The following ZAN variants were observed in gnomAD, a reference collection of about 807,000 sequenced individuals.
ZAN encodes zonadhesin (gene/pseudogene).
In ZAN, 260 loss-of-function variants were observed where a neutral mutation model predicts 286.2. The ratio of observed to expected loss-of-function variants is 0.91; its 90% CI spans 0.82 to 1.01. The LOEUF is 1.01. ZAN is among the 50% of genes least tolerant of loss of function. ZAN has a pLI of 0.00. For missense variants in ZAN, 3,410 were observed against 3,639.2 expected (o/e 0.94, Z 1.62); for synonymous variants, 1,368 against 1,417.5 (o/e 0.97, Z 0.79).
At chr7:100,770,771 C>T (rs1484146273) in intron 28 of ZAN, among the ~76,000 whole-genome samples, 2 of 151,258 alleles carry the variant, frequency 1.3e-5, no homozygotes, top group African/African-American at 4.9e-5. Flanking sequence ...CCTCCCGCCT[C>T]AGCCTTCAGA....
At position 100,792,124 on chromosome 7, in the gene ZAN, C is replaced by T. The variant is rs534063713; in HGVS notation, c.7688C>T (p.Thr2563Met). 1.6e-5 allele frequency: 25 copies of T among 1,611,030 alleles called. No homozygotes were observed. The highest frequency in any genetic ancestry group is 5.3e-5 in the African/African-American group (4 of 74,986). The stretch of plus-strand genomic sequence containing the variant: ...GGCCCCTTTGCTGCCTGTCACCAGA[C>T]GGTGGCCCCAGAGCCCTTCCAAGAG... ...PQGPFAACHQ[T>M]VAPEPFQEHC... Residue 2563 changes from threonine (T) to methionine (M), a missense_variant, in exon 41 of 48, where the codon ACG (threonine) becomes ATG (methionine). Transcript: ENST00000613979.
Position 100,775,756 on chromosome 7 carries a change from A to C in ZAN, c.6115A>C (p.Ile2039Leu), listed in dbSNP as rs767021701. 1.9e-6 allele frequency: 3 copies of C among 1,613,928 alleles called. No homozygotes were observed. The highest frequency in any genetic ancestry group is 2.5e-6 in the Non-Finnish European group (3 of 1,179,878). The change falls in exon 33 of 48, where the codon ATC becomes CTC. Residue 2039 changes from isoleucine to leucine, a missense_variant. Ile to Leu is a conservative substitution (Grantham distance 5). Around this residue, in one of 7 missense-constraint regions of ZAN, gnomAD observed 1,289 missense variants for 1,314.3 expected, o/e 0.98. Transcript: ENST00000613979. ...CAGCAGCATCTACAGCATTGTTAAC[A>C]TCAAGATCGGGGTGCAAGTCAAGTT... is the stretch of plus-strand genomic sequence containing the variant. ...KSSSIYSIVN[I>L]KIGVQVKFDG... is the part of the protein sequence containing the mutation.
chr7:100,792,657 C>G, intron 42 of ZAN, 178 bp downstream of exon 42: 1 of 1,380,124 alleles, frequency 7.2e-7, no homozygotes, highest in Non-Finnish European at 9.4e-7. Context: ...CCCATCATCC[C>G]TCGAATTTCT....
intron 17 of ZAN, among the ~76,000 whole-genome samples, 156 bp from the exon 18 acceptor site, chr7:100,759,565 G>C (rs1367838901): frequency 6.6e-6 from 1 of 152,098 alleles, no homozygotes; most frequent in Non-Finnish European, 1.5e-5. Context: ...GGCAGTCGTG[G>C]TCTGCTCCTG....
chr7:100,773,362 C>G lies in ZAN; in HGVS notation c.5503C>G (p.Pro1835Ala). 15 of 1,613,960 alleles carry G rather than the reference C, an allele frequency of 9.3e-6. No individual in the cohort carries two copies. Among genetic ancestry groups the G allele is most frequent in the Non-Finnish European group, 1.3e-5 (15 of 1,179,880 alleles). ...CPDTCSSINNPRDCPKALPCA... is the reference protein window; with the variant it reads ...CPDTCSSINNARDCPKALPCA... ...AGACACCTGCAGCAGCATAAACAAC[C>G]CGAGGGACTGCCCCAAAGCACTGCC... The change falls in exon 30 of 48, where the codon CCG becomes GCG. Residue 1835 changes from proline to alanine, a missense_variant. Pro to Ala is a conservative substitution (Grantham distance 27). Around this residue, in one of 7 missense-constraint regions of ZAN, gnomAD observed 1,289 missense variants for 1,314.3 expected, o/e 0.98. Transcript: ENST00000613979.
At position 100,760,490 on chromosome 7, in the gene ZAN, C is replaced by A. The variant is rs373091075; in HGVS notation, c.3796C>A (p.Arg1266=). The change falls in exon 19 of 48, where the codon CGG becomes AGG. Residue 1266 remains arginine, a synonymous_variant. Transcript: ENST00000613979. The part of the protein sequence containing the change: ...FVELQTEFGL[R]VRWDGDQQLY... The stretch of plus-strand genomic sequence containing the variant: ...GGAGCTGCAGACGGAGTTCGGTTTG[C>A]GGGTGAGATGGGATGGTGACCAGCA... The A allele has an allele frequency of 1.0e-4, 161 of 1,613,920 alleles. No homozygotes were observed. Among genetic ancestry groups the A allele is most frequent in the Non-Finnish European group, 1.3e-4 (151 of 1,179,870 alleles).
At chr7:100,786,824 G>A (rs1021715432) in intron 37 of ZAN, among the ~76,000 whole-genome samples, 6 of 152,182 alleles carry the variant, frequency 3.9e-5, no homozygotes, top group African/African-American at 1.4e-4. Flanking sequence ...GGCAGAGGTG[G>A]AAGAATCACT....
chr7:100,776,655 C>A, intron 34 of ZAN, 91 bp downstream of exon 34: 1 of 915,562 alleles, frequency 1.1e-6, no homozygotes, highest in Non-Finnish European at 1.5e-6. Context: ...CCTCCCCTCC[C>A]CTCCCCTCCC....
Position 100,742,748 on chromosome 7 carries a change from C to G in ZAN, c.767-3790C>G, listed in dbSNP as rs1463050623. The stretch of plus-strand genomic sequence containing the variant: ...GCGCGTGCCTGCAATCGCAGGCACT[C>G]GGCAGGCTGAGGCAGGAGAATCAGG... On this transcript the variant is annotated intron_variant, in intron 7 of 47. Transcript: ENST00000613979. Among the ~76,000 whole-genome samples, 9 of 61,602 alleles carry G rather than the reference C, an allele frequency of 1.5e-4. No homozygotes were observed. The South Asian group carries it at 2.7e-3, about 18-fold the overall frequency. The allele number at this position is 61,602 out of a possible 152,430, so 40.4% of individuals were successfully genotyped here.
At position 100,776,675 on chromosome 7, in the gene ZAN, TTTC is replaced by T; in HGVS notation, c.6317+115_6317+117del. The T allele has an allele frequency of 5.7e-6, 4 of 702,602 alleles. No individual in the cohort carries two copies. In the East Asian group the frequency reaches 1.4e-4, roughly 25 times the overall value. 43.5% of individuals were successfully genotyped at this position (702,602 alleles called of 1,614,324 possible). On this transcript the variant is annotated intron_variant, in intron 34 of 47. Transcript: ENST00000613979. ...CCTCCCCTCCCCTCCCCTTCCTTCC[TTTC>T]TTCCTTTCTCTCTTTCTCTTTCTTT...
chr7:100,764,301 G>C, intron 22 of ZAN, 105 bp downstream of exon 22: 2 of 1,357,568 alleles, frequency 1.5e-6, no homozygotes, highest in East Asian at 2.6e-5. Flanking sequence ...TCAGGAGTTT[G>C]GGACCAGCCT....
At position 100,752,737 on chromosome 7, in the gene ZAN, C is replaced by A. The variant is rs756934075; in HGVS notation, c.2632C>A (p.Leu878Ile). ...PEKLTIPTEKLTIPTEKPTIP... is the reference protein window; with the variant it reads ...PEKLTIPTEKITIPTEKPTIP... Reference sequence around the variant, plus strand: ...AAAACTCACCATCCCCACGGAAAAACTCACCATCCCCACGGAAAAACCCAC... The same window carrying A: ...AAAACTCACCATCCCCACGGAAAAAATCACCATCCCCACGGAAAAACCCAC... Residue 878 changes from leucine to isoleucine, a missense_variant, in exon 14 of 48, where the codon CTC becomes ATC. Leu to Ile is a conservative substitution (Grantham distance 5, BLOSUM62 2). Transcript: ENST00000613979. 1.8e-5 allele frequency: 28 copies of A among 1,541,038 alleles called. 1 individual carries two copies. The highest frequency in any genetic ancestry group is 1.9e-5 in the Non-Finnish European group (21 of 1,132,520).
chr7:100,752,035 T>TCAGAAAAACCCACCATTTCCA lies in ZAN; in HGVS notation c.1945_1965dup (p.Ile649_Thr655dup), dbSNP rs1562924369. On this transcript the variant is annotated inframe_insertion, in exon 14 of 48. Transcript: ENST00000613979. ...TCCCTCAGAAAAACCCACCATTCCC[T>TCAGAAAAACCCACCATTTCCA]CAGAAAAACCCACCATTTCCACAGA... 6.6e-7 allele frequency: 1 copy of TCAGAAAAACCCACCATTTCCA among 1,505,774 alleles called. No individual in the cohort carries two copies. The highest frequency in any genetic ancestry group is 1.9e-5 in the Admixed American group (1 of 51,908). The allele number at this position is 1,505,774 out of a possible 1,614,324, so 93.3% of individuals were successfully genotyped here.
Position 100,753,184 on chromosome 7 carries a change from AC to A in ZAN, c.3081del (p.Ser1028ValfsTer2). On this transcript the variant is annotated frameshift_variant, in exon 14 of 48. Coordinates refer to ENST00000613979, the MANE Select transcript of ZAN (RefSeq NM_003386.3). LOFTEE classifies it high-confidence loss of function. ...MSPHAPSTPM[T>X]SVILGTTTTS... ...TCCACATGCTCCAAGTACCCCTATG[AC>A]CAGTGTGATTCTGGGCACTACCACA... is the stretch of plus-strand genomic sequence containing the variant. 1 of 1,611,320 alleles carries A rather than the reference AC, an allele frequency of 6.2e-7. No homozygotes were observed. The highest frequency in any genetic ancestry group is 8.5e-7 in the Non-Finnish European group (1 of 1,178,680).
chr7:100,755,330 A>C lies in ZAN; in HGVS notation c.3229A>C (p.Asn1077His). The C allele has an allele frequency of 6.2e-7, 1 of 1,613,870 alleles. No individual in the cohort carries two copies. The highest frequency in any genetic ancestry group is 8.5e-7 in the Non-Finnish European group (1 of 1,179,872). ...GPLCREGCVC[N>H]PGFLFSDNHC... ...CCTCTGTCGGGAGGGCTGTGTCTGC[A>C]ACCCTGGCTTTTTGTTTAGTGACAA... is the stretch of plus-strand genomic sequence containing the variant. The change falls in exon 15 of 48, where the codon AAC becomes CAC. Residue 1077 changes from asparagine (N) to histidine (H), a missense_variant. Physicochemically the swap from Asn to His is moderately conservative, Grantham distance 68 (BLOSUM62 1). Coordinates refer to ENST00000613979, the MANE Select transcript of ZAN (RefSeq NM_003386.3).
intron 28 of ZAN, among the ~76,000 whole-genome samples, chr7:100,770,689 CTG>C (rs1810314304): frequency 6.6e-6 from 1 of 151,420 alleles, no homozygotes; most frequent in African/African-American, 2.4e-5. Flanking sequence ...AGGTCTCACT[CTG>C]TTGCCCAGGC....
At chr7:100,777,731 C>G (rs1437915401) in intron 34 of ZAN, among the ~76,000 whole-genome samples, 1 of 151,912 alleles carries the variant, frequency 6.6e-6, no homozygotes, top group Non-Finnish European at 1.5e-5. Flanking sequence ...GGCAGGAAGA[C>G]CAGAATGTTC....
In ZAN at chr7:100,736,438, T is replaced by C; in HGVS notation, c.107-45T>C. On this transcript the variant is annotated intron_variant, in intron 3 of 47. Transcript: ENST00000613979. ...CCTCTCCCTGTGTGGCTCTGGGCCC[T>C]GCCCCTGCCCTCTCTGAAACCTCAC... 1.3e-6 allele frequency: 2 copies of C among 1,511,770 alleles called. 1 individual carries two copies. The highest frequency in any genetic ancestry group is 1.8e-6 in the Non-Finnish European group (2 of 1,097,202). 93.6% of individuals were successfully genotyped at this position (1,511,770 alleles called of 1,614,324 possible). A position where few individuals can be genotyped will look rare whatever the true frequency, so the allele number is the denominator to read the frequency against.
At chr7:100,779,169 C>T (rs974218894) in intron 34 of ZAN, among the ~76,000 whole-genome samples, 2 of 150,744 alleles carry the variant, frequency 1.3e-5, no homozygotes, top group African/African-American at 4.9e-5. Context: ...CACTACTGCA[C>T]TCCAGCCTGG....
Sources: allele counts gnomAD v4.1 joint callset (sites outside exome capture counted in the v4.1 genomes callset), GRCh38; gene constraint gnomAD v4.1.1; regional missense constraint gnomAD v4.1.1; transcripts MANE v1.5; gene names NCBI Gene and HGNC (gene_info 2026-07-23, HGNC 2026-07-21).